Variants in HMCN1 observed in about 807,000 individuals in gnomAD.
HMCN1 encodes the protein hemicentin-1.
A neutral mutation model predicts 625.9 loss-of-function variants in HMCN1; 321 were observed. That is an observed-to-expected ratio of 0.51 (90% CI 0.47 to 0.56). The LOEUF (loss-of-function observed/expected upper bound fraction) is 0.56, where lower values mean the gene tolerates loss of function less well. Among genes scored for constraint, HMCN1 ranks in the 20% least tolerant of loss-of-function variants. The pLI, the probability that HMCN1 is intolerant of heterozygous loss-of-function variation, is 0.00. For missense variants in HMCN1, 6,588 were observed against 6,887.3 expected (o/e 0.96, Z 1.54); for synonymous variants, 2,425 against 2,417.6 (o/e 1.00, Z -0.09).
At chr1:185,996,469 G>A (rs182320772) in intron 24 of HMCN1, among the ~76,000 whole-genome samples, 303 of 152,268 alleles carry the variant, frequency 2.0e-3, no homozygotes, top group Non-Finnish European at 3.5e-3. Context: ...GACCTAGGAA[G>A]CCAGACTAAT....
At chr1:186,100,978 A>G (rs1027701701) in intron 68 of HMCN1, among the ~76,000 whole-genome samples, 3 of 152,066 alleles carry the variant, frequency 2.0e-5, no homozygotes, top group Non-Finnish European at 4.4e-5. Context: ...TACAAGCCCC[A>G]CAAAACCACA....
At position 186,190,822 on chromosome 1, in the gene HMCN1, G is replaced by A. The variant is rs1207855953; in HGVS notation, c.*944G>A. 1.0e-5 allele frequency: 2 copies of A among 192,282 alleles called. No individual in the cohort carries two copies. Among genetic ancestry groups the A allele is most frequent in the Non-Finnish European group, 2.2e-5 (2 of 91,774 alleles). The allele number at this position is 192,282 out of a possible 1,614,324, so 11.9% of individuals were successfully genotyped here. ...AAGATGTATTCTATTTTTATGAAGT[G>A]TATATATATTACCTTAGTGTGCATT... On this transcript the variant is annotated 3_prime_UTR_variant, in exon 107 of 107. Coordinates refer to ENST00000271588, the MANE Select transcript of HMCN1 (RefSeq NM_031935.3).
Position 186,000,088 on chromosome 1 carries a change from G to A in HMCN1, c.3918G>A (p.Glu1306=). 1 of 1,613,130 alleles carries A rather than the reference G, an allele frequency of 6.2e-7. No individual in the cohort carries two copies. The highest frequency in any genetic ancestry group is 8.5e-7 in the Non-Finnish European group (1 of 1,179,380). The change falls in exon 26 of 107, where the codon GAG becomes GAA. Residue 1306 remains glutamate, a synonymous_variant. Transcript: ENST00000271588. The part of the protein sequence containing the change: ...PTIKWLHNGR[E]LTGREPGISI... ...TCAAATGGTTACACAATGGTAGAGA[G>A]TTGACAGGCAGAGAGCCTGGCATTT...
chr1:185,762,876 T>G (rs1398462660), intron 1 of HMCN1, among the ~76,000 whole-genome samples: 1 of 152,208 alleles, frequency 6.6e-6, no homozygotes, highest in Non-Finnish European at 1.5e-5. Context: ...TAAAGGAATT[T>G]TTTTTCTTTT....
chr1:186,048,173 T>C (rs1656698350), intron 41 of HMCN1, among the ~76,000 whole-genome samples: 2 of 152,168 alleles, frequency 1.3e-5, no homozygotes, highest in South Asian at 4.1e-4. Flanking sequence ...AGGGTTGTAA[T>C]AACTGCAGAT....
chr1:185,832,093 C>T (rs770161054), intron 1 of HMCN1, among the ~76,000 whole-genome samples: 24 of 151,950 alleles, frequency 1.6e-4, no homozygotes, highest in Non-Finnish European at 3.1e-4. Flanking sequence ...GTCGGAAGTT[C>T]GAGACCAGCC....
chr1:185,926,252 C>T (rs1667271049), intron 9 of HMCN1, among the ~76,000 whole-genome samples: 1 of 152,126 alleles, frequency 6.6e-6, no homozygotes, highest in Non-Finnish European at 1.5e-5. Context: ...GTTTGACAGT[C>T]TCAGCTTATA....
rs1665640361 is a variant in HMCN1, at chr1:185,898,811, AATGTG to A, written c.622-10523_622-10519del. Reference sequence around the variant, plus strand: ...CATTTACTCAACAGTTAAGTCTAAAAATGTGATTGTGTCTACAGCTACTGAAAAGT... The same window carrying A: ...CATTTACTCAACAGTTAAGTCTAAAAATTGTGTCTACAGCTACTGAAAAGT... On this transcript the variant is annotated intron_variant, in intron 4 of 106. Transcript: ENST00000271588. Among the ~76,000 whole-genome samples the A allele has an allele frequency of 2.0e-5, 3 of 152,220 alleles. No individual in the cohort carries two copies. In the South Asian group the frequency reaches 6.2e-4, roughly 32 times the overall value.
At chr1:185,852,636 G>T (rs574277177) in intron 2 of HMCN1, among the ~76,000 whole-genome samples, 3 of 147,444 alleles carry the variant, frequency 2.0e-5, no homozygotes, top group Non-Finnish European at 4.5e-5. Context: ...TTTAAAGGAG[G>T]ACTGGCTTGT....
rs559181869 is a variant in HMCN1 at position 186,000,992 on chromosome 1, TTAA to T, written c.4070-304_4070-302del. Among the ~76,000 whole-genome samples the T allele has an allele frequency of 3.3e-3, 505 of 152,174 alleles. 2 individuals carry two copies. The highest frequency in any genetic ancestry group is 5.7e-3 in the Non-Finnish European group (389 of 67,962). Reference sequence around the variant, plus strand: ...AACAAAGTAGTGAGTCTCATGTGACTTAATTAAGACCCCATAAGCTTGTATTTT... The same window carrying T: ...AACAAAGTAGTGAGTCTCATGTGACTTTAAGACCCCATAAGCTTGTATTTT... On this transcript the variant is annotated intron_variant, in intron 26 of 106. Coordinates refer to ENST00000271588, the MANE Select transcript of HMCN1 (RefSeq NM_031935.3).
rs199566367 is a variant in HMCN1, at chr1:185,861,750, A to G, written c.340-2720A>G. On this transcript the variant is annotated intron_variant, in intron 2 of 106. Transcript: ENST00000271588. ...GTTAAGTACCACTAAAGTGTAAAGC[A>G]TAGTAGAATACATCTGAAGAGTGAG... 6.6e-5 allele frequency among the ~76,000 whole-genome samples: 10 copies of G among 152,352 alleles called. No homozygotes were observed. The East Asian group carries it at 7.7e-4, about 12-fold the overall frequency.
At chr1:186,078,337 A>G in intron 55 of HMCN1, 117 bp downstream of exon 55, 1 of 741,002 alleles carries the variant, frequency 1.3e-6, no homozygotes, top group African/African-American at 1.7e-5. Flanking sequence ...CCAGAAACTG[A>G]TAGTTCTCCC....
In HMCN1 at chr1:186,001,759, TTAAAAAAC is replaced by T. The variant is rs1471107523; in HGVS notation, c.4348+21_4348+28del. On this transcript the variant is annotated intron_variant, in intron 28 of 106. Transcript: ENST00000271588. ...TGTGCTAGGTAAGAAATACATCCTT[TTAAAAAAC>T]TACAATTCAGAAGCATTTCTTACCT... The T allele has an allele frequency of 2.5e-6, 4 of 1,601,144 alleles. No individual in the cohort carries two copies. Among genetic ancestry groups the T allele is most frequent in the Non-Finnish European group, 3.4e-6 (4 of 1,169,084 alleles).
Position 186,117,556 on chromosome 1 carries a change from A to G in HMCN1, c.11781A>G (p.Ser3927=). The part of the protein sequence containing the change: ...TCTASGVPFP[S]IHWTKNGIRL... Reference sequence around the variant, plus strand: ...CTGCTTCGGGAGTTCCATTTCCCTCAATTCACTGGACCAAAAATGGTATAA... The same window carrying G: ...CTGCTTCGGGAGTTCCATTTCCCTCGATTCACTGGACCAAAAATGGTATAA... Residue 3927 remains serine, a synonymous_variant, in exon 77 of 107, where the codon TCA becomes TCG. Transcript: ENST00000271588. 1.9e-6 allele frequency: 3 copies of G among 1,613,886 alleles called. No individual in the cohort carries two copies. Among genetic ancestry groups the G allele is most frequent in the Non-Finnish European group, 2.5e-6 (3 of 1,179,828 alleles).
chr1:185,781,127 T>C (rs1379069279), intron 1 of HMCN1, among the ~76,000 whole-genome samples: 3 of 152,248 alleles, frequency 2.0e-5, no homozygotes, highest in Admixed American at 6.5e-5. Context: ...TTTTCTAGTT[T>C]ATTTGCATAG....
At chr1:186,150,087 A>AC (rs1650573796) in intron 93 of HMCN1, among the ~76,000 whole-genome samples, 2 of 152,148 alleles carry the variant, frequency 1.3e-5, no homozygotes, top group Admixed American at 1.3e-4. Flanking sequence ...CAAAAATGGT[A>AC]CCGGTAGACT....
chr1:186,016,771 A>G (rs1654395977), intron 32 of HMCN1, among the ~76,000 whole-genome samples, 192 bp from the exon 33 acceptor site: 1 of 152,092 alleles, frequency 6.6e-6, no homozygotes, highest in Non-Finnish European at 1.5e-5. Flanking sequence ...ATGATATGTT[A>G]AAAGTATGTT....
Position 186,125,678 on chromosome 1 carries a change from G to T in HMCN1, c.12574G>T (p.Ala4192Ser). ...TTCACAAGCCATTCTTCCATGCGTA[G>T]CTGATGGAATCCCCACACCAGCAAT... The part of the protein sequence containing the change: ...ENSQAILPCV[A>S]DGIPTPAINW... The change falls in exon 82 of 107, where the codon GCT (alanine) becomes TCT (serine). Residue 4192 changes from alanine (A) to serine (S), a missense_variant. By Grantham distance (99) the Ala-to-Ser change is moderately conservative (BLOSUM62 1). Around this residue, in one of 3 missense-constraint regions of HMCN1, gnomAD observed 1,954 missense variants for 2,013.1 expected, o/e 0.97. Transcript: ENST00000271588. 6.2e-7 allele frequency: 1 copy of T among 1,612,906 alleles called. No homozygotes were observed. The highest frequency in any genetic ancestry group is 8.5e-7 in the Non-Finnish European group (1 of 1,179,050).
At chr1:186,165,009 G>T (rs1651787440) in intron 97 of HMCN1, 102 bp from the exon 98 acceptor site, 2 of 1,021,600 alleles carry the variant, frequency 2.0e-6, no homozygotes, top group East Asian at 4.8e-5. Context: ...TGCATCATGT[G>T]TTTCATCTTT....
Sources: allele counts gnomAD v4.1 joint callset (sites outside exome capture counted in the v4.1 genomes callset), GRCh38; gene constraint gnomAD v4.1.1; regional missense constraint gnomAD v4.1.1; transcripts MANE v1.5; gene names NCBI Gene and HGNC (gene_info 2026-07-23, HGNC 2026-07-21).